The following EYA1 variants were observed in gnomAD, a reference collection of about 807,000 sequenced individuals.
The protein encoded by EYA1 is protein phosphatase EYA1.
In EYA1, 16 loss-of-function variants were observed where a neutral mutation model predicts 82.0. The ratio of observed to expected loss-of-function variants is 0.20; its 90% confidence interval spans 0.13 to 0.30. The LOEUF (loss-of-function observed/expected upper bound fraction) is 0.30. EYA1 is among the 10% of genes least tolerant of loss of function. EYA1 has a pLI of 1.00. For missense variants in EYA1, 633 were observed against 730.7 expected (o/e 0.87, Z 1.54); for synonymous variants, 261 against 264.4 (o/e 0.99, Z 0.12).
intron 2 of EYA1, among the ~76,000 whole-genome samples, chr8:71,495,839 T>C (rs935146449): frequency 6.6e-6 from 1 of 152,154 alleles, no homozygotes; most frequent in African/African-American, 2.4e-5. Flanking sequence ...GGTAATGTCT[T>C]ACAGTTTTCT....
At chr8:71,346,842 G>A (rs1013042952) in intron 3 of EYA1, among the ~76,000 whole-genome samples, 2 of 152,110 alleles carry the variant, frequency 1.3e-5, no homozygotes, top group Non-Finnish European at 2.9e-5. Flanking sequence ...TTAATGCATT[G>A]TAAACTTAAT....
chr8:71,284,038 C>T (rs889086827), intron 9 of EYA1, among the ~76,000 whole-genome samples: 6 of 152,206 alleles, frequency 3.9e-5, no homozygotes, highest in Admixed American at 2.0e-4. Flanking sequence ...CCACCTCAGA[C>T]GCCCTACAGA....
Position 71,302,652 on chromosome 8 carries a change from T to TA in EYA1, c.557-2933dup, listed in dbSNP as rs2129004620. 1.4e-5 allele frequency among the ~76,000 whole-genome samples: 2 copies of TA among 141,556 alleles called. 1 individual carries two copies. Among genetic ancestry groups the TA allele is most frequent in the East Asian group, 4.2e-4 (2 of 4,794 alleles). 92.9% of individuals were successfully genotyped at this position (141,556 alleles called of 152,430 possible). A position where few individuals can be genotyped will look rare whatever the true frequency, so the allele number is the denominator to read the frequency against. ...CTAGAGAATCAGGCTCAGGCAATAT[T>TA]AATTTTTCACCACCAGAATCAAGTT... is the stretch of plus-strand genomic sequence containing the variant. On this transcript the variant is annotated intron_variant, in intron 7 of 17. Coordinates refer to ENST00000340726, the MANE Select transcript of EYA1 (RefSeq NM_000503.6).
intron 9 of EYA1, among the ~76,000 whole-genome samples, chr8:71,284,733 G>A (rs1818183334): frequency 6.6e-6 from 1 of 152,118 alleles, no homozygotes; most frequent in African/African-American, 2.4e-5. Flanking sequence ...ACCGAATTCT[G>A]ATGGAAAGGA....
intron 9 of EYA1, among the ~76,000 whole-genome samples, chr8:71,277,392 TC>T (rs1267286313): frequency 6.6e-6 from 1 of 151,874 alleles, no homozygotes; most frequent in Middle Eastern, 3.2e-3. Flanking sequence ...CCTCAAAGAG[TC>T]CTCCTGCCTC....
chr8:71,245,724 T>C (rs867732497), intron 11 of EYA1, among the ~76,000 whole-genome samples: 1 of 152,154 alleles, frequency 6.6e-6, no homozygotes, highest in East Asian at 1.9e-4. Flanking sequence ...ATTATTTGCA[T>C]TCATTAAACC....
chr8:71,235,757 G>T (rs75129048), intron 12 of EYA1, among the ~76,000 whole-genome samples: 4 of 152,060 alleles, frequency 2.6e-5, no homozygotes, highest in African/African-American at 7.2e-5. Context: ...ATTGAATGAC[G>T]GAAAGAAATG....
chr8:71,420,541 A>G (rs1831091881), intron 2 of EYA1, among the ~76,000 whole-genome samples: 1 of 152,222 alleles, frequency 6.6e-6, no homozygotes, highest in South Asian at 2.1e-4. Context: ...ACTAAAATGA[A>G]CATAAATAAA....
chr8:71,220,457 A>G (rs1563641008), intron 12 of EYA1, among the ~76,000 whole-genome samples: 1 of 152,152 alleles, frequency 6.6e-6, no homozygotes, highest in Admixed American at 6.5e-5. Flanking sequence ...GAGAAGACAG[A>G]GATAGTGATT....
rs1811017766 is a variant in EYA1, at chr8:71,491,843, A to G, written c.33+43901T>C. On this transcript the variant is annotated intron_variant, in intron 2 of 18. Transcript: ENST00000643681. ...AGGTGTGAGACACATGTTGTTTTCTATGACTGTTTTTAGTTTACTGAATAT... is the reference window on the plus strand; with the variant it reads ...AGGTGTGAGACACATGTTGTTTTCTGTGACTGTTTTTAGTTTACTGAATAT... Among the ~76,000 whole-genome samples, 3 of 152,184 alleles carry G rather than the reference A, an allele frequency of 2.0e-5. 1 individual carries two copies.
rs1487960435 is a variant in EYA1 at position 71,463,031 on chromosome 8, AC to A, written c.33+72712del. On this transcript the variant is annotated intron_variant, in intron 2 of 18. Coordinates refer to the EYA1 transcript ENST00000643681. The stretch of plus-strand genomic sequence containing the variant: ...TAATATATTTTATTGAATCCAAAAT[AC>A]CCCAAATACTACCATTTCAACATAT... Among the ~76,000 whole-genome samples the A allele has an allele frequency of 2.0e-5, 3 of 152,230 alleles. No homozygotes were observed. The East Asian group carries it at 5.8e-4, about 29-fold the overall frequency.
intron 2 of EYA1, among the ~76,000 whole-genome samples, chr8:71,439,380 A>G (rs1194306329): frequency 6.6e-6 from 1 of 152,062 alleles, no homozygotes; most frequent in African/African-American, 2.4e-5. Context: ...GGTGGGGGTA[A>G]AGGGGGTATG....
intron 4 of EYA1, among the ~76,000 whole-genome samples, chr8:71,325,807 C>T (rs1324790763): frequency 6.6e-6 from 1 of 152,114 alleles, no homozygotes; most frequent in Non-Finnish European, 1.5e-5. Context: ...TAAATCCAAA[C>T]CTCTGTATGG....
chr8:71,528,252 A>G (rs1813967313), intron 2 of EYA1, among the ~76,000 whole-genome samples: 1 of 152,150 alleles, frequency 6.6e-6, no homozygotes, highest in African/African-American at 2.4e-5. Context: ...TGTTTGGTGC[A>G]TATGGACCAA....
At chr8:71,411,932 A>T (rs1203051467) in intron 2 of EYA1, among the ~76,000 whole-genome samples, 1 of 151,146 alleles carries the variant, frequency 6.6e-6, no homozygotes, top group African/African-American at 2.4e-5. Flanking sequence ...ATGCACACGT[A>T]TGTTTATTGC....
At chr8:71,384,839 T>C (rs951145050) in intron 2 of EYA1, among the ~76,000 whole-genome samples, 4 of 152,190 alleles carry the variant, frequency 2.6e-5, no homozygotes, top group Non-Finnish European at 5.9e-5. Flanking sequence ...TCCAAGTTTT[T>C]AGTATTAAGG....
intron 2 of EYA1, among the ~76,000 whole-genome samples, chr8:71,481,844 G>A (rs1398798264): frequency 6.6e-6 from 1 of 152,100 alleles, no homozygotes; most frequent in Non-Finnish European, 1.5e-5. Flanking sequence ...AGCAGGAGGA[G>A]GAGGAGGAGG....
At chr8:71,537,523 T>C (rs1270388305) in intron 1 of EYA1, among the ~76,000 whole-genome samples, 1 of 152,200 alleles carries the variant, frequency 6.6e-6, no homozygotes, top group Non-Finnish European at 1.5e-5. Flanking sequence ...TTTAAAATAA[T>C]GATAATAATC....
intron 1 of EYA1, among the ~76,000 whole-genome samples, chr8:71,547,112 C>T (rs1815684391): frequency 1.3e-5 from 2 of 152,052 alleles, no homozygotes; most frequent in Non-Finnish European, 2.9e-5. Flanking sequence ...AAGCAGACCC[C>T]TCCAATTTAC....
Sources: gnomAD v4.1 joint callset for allele counts (sites outside exome capture counted in the v4.1 genomes callset) on GRCh38, gnomAD v4.1.1 for gene constraint, MANE v1.5 for transcripts, NCBI Gene and HGNC (gene_info 2026-07-23, HGNC 2026-07-21) for gene names.